Variants in COPS2 observed in about 807,000 individuals in gnomAD.
The protein encoded by COPS2 is COP9 signalosome subunit 2, also known as COP9 signalosome complex subunit 2.
Under a neutral mutation model 66.1 loss-of-function variants are expected in COPS2, and 10 were observed. That is an observed-to-expected ratio of 0.15 (90% CI 0.09 to 0.26). The LOEUF is 0.26. Among genes scored for constraint, COPS2 ranks in the 10% least tolerant of loss-of-function variants. COPS2 has a pLI of 1.00. For missense variants in COPS2, 215 were observed against 513.3 expected, an observed-to-expected ratio of 0.42 and a Z score of 5.62; for synonymous variants, 179 against 171.3, an observed-to-expected ratio of 1.04 and a Z score of -0.35.
chr15:49,133,397 T>G (rs904237945), intron 9 of COPS2, among the ~76,000 whole-genome samples: 1 of 152,260 alleles, frequency 6.6e-6, no homozygotes, highest in Admixed American at 6.5e-5. Context: ...TTGACTCATC[T>G]TGGACTAGTT....
chr15:49,154,794 T>G (rs2084400871), intron 1 of COPS2, among the ~76,000 whole-genome samples: 1 of 152,244 alleles, frequency 6.6e-6, no homozygotes, highest in Non-Finnish European at 1.5e-5. Context: ...GCTGTTGCTG[T>G]TTTAAACTTT....
intron 1 of COPS2, among the ~76,000 whole-genome samples, chr15:49,153,596 TCATTGCAGCATTATTCATAA>T (rs1178597303): frequency 6.6e-6 from 1 of 152,226 alleles, no homozygotes; most frequent in Non-Finnish European, 1.5e-5. Context: ...CACTCCATGT[TCATTGCAGCATTATTCATAA>T]CAGCAAAGAC....
At position 49,137,344 on chromosome 15, in the gene COPS2, T is replaced by C. The variant is rs28423989; in HGVS notation, c.462+4A>G. ...AAGAAAAGTGTAAGTATTATAACGG[T>C]TACCTTTGTGTTTGTCTTAAACCAC... On this transcript the variant is annotated splice_donor_region_variant and intron_variant, in intron 5 of 12. Transcript: ENST00000388901. The C allele has an allele frequency of 1.3e-6, 2 of 1,598,960 alleles. No homozygotes were observed. The highest frequency in any genetic ancestry group is 1.7e-6 in the Non-Finnish European group (2 of 1,167,368).
At chr15:49,149,938 C>A (rs1355853451) in intron 1 of COPS2, among the ~76,000 whole-genome samples, 2 of 152,118 alleles carry the variant, frequency 1.3e-5, no homozygotes, top group Non-Finnish European at 2.9e-5. Context: ...AAAATTCACA[C>A]AAGTTAATGG....
At position 49,127,744 on chromosome 15, in the gene COPS2, T is replaced by C. The variant is rs2084178535; in HGVS notation, c.*206A>G. The C allele has an allele frequency of 1.4e-5, 7 of 508,418 alleles. No individual in the cohort carries two copies. In the Middle Eastern group the frequency reaches 2.5e-3, roughly 180 times the overall value. The allele number at this position is 508,418 out of a possible 1,614,324, so 31.5% of individuals were successfully genotyped here. Reference sequence around the variant, plus strand: ...ATACAGCATAAATCCCATGGTATTTTGGTTTTCTTCTGGAGATTAAAGCTG... The same window carrying C: ...ATACAGCATAAATCCCATGGTATTTCGGTTTTCTTCTGGAGATTAAAGCTG... On this transcript the variant is annotated 3_prime_UTR_variant, in exon 13 of 13. Transcript: ENST00000388901.
At chr15:49,134,662 C>T in intron 6 of COPS2, 148 bp from the exon 7 acceptor site, 1 of 596,730 alleles carries the variant, frequency 1.7e-6, no homozygotes, top group Non-Finnish European at 2.7e-6. Flanking sequence ...ACTAAGAATA[C>T]CACTTGTAAT....
chr15:49,144,454 G>A (rs533552019), intron 2 of COPS2, 150 bp from the exon 3 acceptor site: 2 of 551,596 alleles, frequency 3.6e-6, no homozygotes, highest in Non-Finnish European at 6.3e-6. Flanking sequence ...TCATTTTTCA[G>A]TCTTTAAAAA....
intron 7 of COPS2, 72 bp from the exon 8 acceptor site, chr15:49,134,180 T>C (rs2141124955): frequency 2.1e-6 from 3 of 1,447,050 alleles, no homozygotes; most frequent in East Asian, 2.3e-5. Context: ...ACCTCATAAA[T>C]GCCAAATGAA....
chr15:49,154,262 T>C (rs75341642), intron 1 of COPS2, among the ~76,000 whole-genome samples: 1 of 152,152 alleles, frequency 6.6e-6, no homozygotes, highest in South Asian at 2.1e-4. Flanking sequence ...CAGATACATA[T>C]TCTTAATGAA....
chr15:49,138,057 T>TG (rs1328890189), intron 4 of COPS2, among the ~76,000 whole-genome samples: 2 of 152,226 alleles, frequency 1.3e-5, no homozygotes, highest in African/African-American at 4.8e-5. Flanking sequence ...GTAACTCAAC[T>TG]GCATAGCTTT....
Position 49,139,524 on chromosome 15 carries a change from T to C in COPS2, c.372+4A>G. 6.3e-7 allele frequency: 1 copy of C among 1,590,610 alleles called. No homozygotes were observed. Among genetic ancestry groups the C allele is most frequent in the Non-Finnish European group, 8.6e-7 (1 of 1,161,502 alleles). Reference sequence around the variant, plus strand: ...CGTCCCAAGAGGGGAAAATTGAGTCTAACCTGTTTAGAAGTAGAGATATAA... The same window carrying C: ...CGTCCCAAGAGGGGAAAATTGAGTCCAACCTGTTTAGAAGTAGAGATATAA... On this transcript the variant is annotated splice_donor_region_variant and intron_variant, in intron 4 of 12. Transcript: ENST00000388901.
Position 49,133,085 on chromosome 15 carries a change from T to C in COPS2, c.947+674A>G, listed in dbSNP as rs529709602. On this transcript the variant is annotated intron_variant, in intron 9 of 12. Coordinates refer to ENST00000388901, the MANE Select transcript of COPS2 (RefSeq NM_004236.4). ...CTCACTGCCACCTCTGCCTCCCGGG[T>C]TCATGCCATTCTCCTGCCTCAGCCT... Among the ~76,000 whole-genome samples, 840 of 149,410 alleles carry C rather than the reference T, an allele frequency of 5.6e-3. 6 individuals carry two copies. Among genetic ancestry groups the C allele is most frequent in the African/African-American group, 0.02 (797 of 40,630 alleles).
chr15:49,141,594 T>G (rs2084290046), intron 3 of COPS2, among the ~76,000 whole-genome samples: 1 of 152,144 alleles, frequency 6.6e-6, no homozygotes, highest in Non-Finnish European at 1.5e-5. Context: ...AATTAAAGAC[T>G]GAAGGAAGAG....
intron 1 of COPS2, 68 bp downstream of exon 1, chr15:49,155,457 G>A: frequency 6.7e-7 from 1 of 1,482,658 alleles, no homozygotes; most frequent in Non-Finnish European, 9.4e-7. Flanking sequence ...GAGGCCGCGG[G>A]CGCCCCGGCC....
intron 1 of COPS2, among the ~76,000 whole-genome samples, chr15:49,151,599 C>T (rs772319925): frequency 9.4e-4 from 143 of 151,948 alleles, no homozygotes; most frequent in Non-Finnish European, 1.3e-3. Context: ...ATGAATGGCA[C>T]TATGATTATT....
chr15:49,140,501 C>T (rs1241204653), intron 3 of COPS2, among the ~76,000 whole-genome samples: 2 of 152,166 alleles, frequency 1.3e-5, no homozygotes, highest in East Asian at 1.9e-4. Context: ...GAAAAGACCC[C>T]CCATCTAAGG....
chr15:49,139,127 C>G (rs2084273016), intron 4 of COPS2: 1 of 158,314 alleles, frequency 6.3e-6, no homozygotes, highest in Non-Finnish European at 1.4e-5. Context: ...GATAAGAGCA[C>G]AGGCACTTCT....
chr15:49,138,081 A>C (rs907886951), intron 4 of COPS2, among the ~76,000 whole-genome samples: 1 of 152,248 alleles, frequency 6.6e-6, no homozygotes, highest in Non-Finnish European at 1.5e-5. Context: ...GTCACTGGTA[A>C]ACCATGGAGG....
chr15:49,140,222 C>T (rs527709590), intron 3 of COPS2, among the ~76,000 whole-genome samples: 5 of 151,702 alleles, frequency 3.3e-5, no homozygotes, highest in African/African-American at 4.8e-5. Flanking sequence ...CTTGAACTCC[C>T]GATCTCAGGT....
Sources: gnomAD v4.1 joint callset for allele counts (sites outside exome capture counted in the v4.1 genomes callset) on GRCh38, gnomAD v4.1.1 for gene constraint, MANE v1.5 for transcripts, NCBI Gene and HGNC (gene_info 2026-07-23, HGNC 2026-07-21) for gene names.